Variants in EEPD1 observed in about 807,000 individuals in gnomAD.
EEPD1 encodes the protein endonuclease/exonuclease/phosphatase family domain-containing protein 1.
A neutral mutation model predicts 46.3 loss-of-function variants in EEPD1; 17 were observed. The observed-to-expected ratio is 0.37, with a 90% confidence interval of 0.25 to 0.55. EEPD1 has a LOEUF of 0.55. Ranked by LOEUF, EEPD1 falls within the 20% of genes least tolerant of loss-of-function variation. The probability of loss-of-function intolerance (pLI) is 0.83; values close to 1 mark genes in which losing one functional copy is unlikely to be tolerated. For missense variants in EEPD1, 673 were observed against 745.6 expected, an observed-to-expected ratio of 0.90 and a Z score of 1.13; for synonymous variants, 313 against 315.6, an observed-to-expected ratio of 0.99 and a Z score of 0.09.
intron 2 of EEPD1, among the ~76,000 whole-genome samples, chr7:36,197,314 C>T (rs1244808153): frequency 2.7e-5 from 4 of 150,884 alleles, no homozygotes; most frequent in African/African-American, 4.9e-5. Flanking sequence ...CCCGCCCGGC[C>T]AGCCGCCCAG....
chr7:36,250,821 G>A (rs2115809277), intron 3 of EEPD1, among the ~76,000 whole-genome samples: 1 of 152,250 alleles, frequency 6.6e-6, no homozygotes, highest in African/African-American at 2.4e-5. Context: ...CAGCACTGTT[G>A]AAGCTTCTCC....
intron 3 of EEPD1, among the ~76,000 whole-genome samples, chr7:36,279,694 A>G (rs1787232370): frequency 6.6e-6 from 1 of 152,228 alleles, no homozygotes; most frequent in Non-Finnish European, 1.5e-5. Flanking sequence ...TCTCAAACCC[A>G]AGCGTGCATC....
At chr7:36,262,010 T>C (rs1229152156) in intron 3 of EEPD1, among the ~76,000 whole-genome samples, 4 of 152,234 alleles carry the variant, frequency 2.6e-5, no homozygotes, top group African/African-American at 9.6e-5. Context: ...TCCATCTTTG[T>C]AGAAATTCAA....
chr7:36,289,215 T>C (rs984795953), intron 6 of EEPD1, among the ~76,000 whole-genome samples: 5 of 152,228 alleles, frequency 3.3e-5, no homozygotes, highest in Non-Finnish European at 7.3e-5. Context: ...ATTTTACATA[T>C]TCAAGTCAGT....
At position 36,287,764 on chromosome 7, in the gene EEPD1, G is replaced by T. The variant is rs753892487; in HGVS notation, c.1302G>T (p.Gln434His). ...TGGCGAGCTTTGCACAGACCCTACAGGAAACCCTGAAAGGTAGGACATTGT... is the reference window on the plus strand; with the variant it reads ...TGGCGAGCTTTGCACAGACCCTACATGAAACCCTGAAAGGTAGGACATTGT... Reference protein sequence around the residue: ...HRLASFAQTLQETLKGEKDVI... With the variant: ...HRLASFAQTLHETLKGEKDVI... The change falls in exon 6 of 8, where the codon CAG becomes CAT. Residue 434 changes from glutamine (Q) to histidine (H), a missense_variant. Transcript: ENST00000242108. 1 of 1,613,936 alleles carries T rather than the reference G, an allele frequency of 6.2e-7. No homozygotes were observed.
intron 2 of EEPD1, among the ~76,000 whole-genome samples, chr7:36,187,099 G>C (rs761160073): frequency 2.6e-5 from 4 of 152,198 alleles, no homozygotes; most frequent in African/African-American, 4.8e-5. Flanking sequence ...TTGCCTGGCT[G>C]TCTCTGAGCT....
At chr7:36,287,827 A>C (rs762157241) in intron 6 of EEPD1, 50 bp downstream of exon 6, 1 of 1,597,056 alleles carries the variant, frequency 6.3e-7, no homozygotes, top group Admixed American at 1.7e-5. Context: ...GCAGAGCAGC[A>C]GGGCTGCCTC....
chr7:36,269,213 G>A (rs1422449843), intron 3 of EEPD1, among the ~76,000 whole-genome samples: 1 of 152,112 alleles, frequency 6.6e-6, no homozygotes, highest in Non-Finnish European at 1.5e-5. Context: ...AACAAATACA[G>A]GTTGATGTCA....
intron 3 of EEPD1, among the ~76,000 whole-genome samples, chr7:36,244,619 G>A (rs1786606530): frequency 6.6e-6 from 1 of 152,106 alleles, no homozygotes; most frequent in Non-Finnish European, 1.5e-5. Flanking sequence ...TGGCAGAGCC[G>A]AGTTCTCCTC....
In EEPD1 at chr7:36,225,435, C is replaced by T. The variant is rs1248313619; in HGVS notation, c.879-13550C>T. 6.6e-6 allele frequency among the ~76,000 whole-genome samples: 1 copy of T among 152,102 alleles called. No homozygotes were observed. Among genetic ancestry groups the T allele is most frequent in the East Asian group, 1.9e-4 (1 of 5,192 alleles). On this transcript the variant is annotated intron_variant, in intron 2 of 7. Transcript: ENST00000242108. This position sits in a 1 kb window ranked among gnomAD's most constrained non-coding sequence, Gnocchi z 4.2. ...GTGATGGAAGGAAACCCCGTGCTCA[C>T]GAGGGACTGTGCGTGAATATCAAAG...
chr7:36,176,429 G>A (rs1203052822), intron 2 of EEPD1, among the ~76,000 whole-genome samples: 3 of 152,202 alleles, frequency 2.0e-5, no homozygotes, highest in African/African-American at 7.2e-5. Context: ...CAGGTCTCAT[G>A]GGAGCCTCGT....
At chr7:36,246,701 T>C (rs1020586939) in intron 3 of EEPD1, among the ~76,000 whole-genome samples, 3 of 152,178 alleles carry the variant, frequency 2.0e-5, no homozygotes, top group South Asian at 2.1e-4. Context: ...GTTTTTTTTT[T>C]AGAATTTCAG....
At chr7:36,256,657 T>G (rs1786832725) in intron 3 of EEPD1, among the ~76,000 whole-genome samples, 1 of 152,216 alleles carries the variant, frequency 6.6e-6, no homozygotes, top group South Asian at 2.1e-4. Flanking sequence ...TGCTTTTTTT[T>G]TGCTTTCCAT....
chr7:36,247,967 A>C (rs993749710), intron 3 of EEPD1, among the ~76,000 whole-genome samples: 1 of 152,158 alleles, frequency 6.6e-6, no homozygotes, highest in Non-Finnish European at 1.5e-5. Flanking sequence ...GATGGGGGAT[A>C]GAGGACGCAG....
chr7:36,176,728 G>A (rs1047670993), intron 2 of EEPD1, among the ~76,000 whole-genome samples: 2 of 152,140 alleles, frequency 1.3e-5, no homozygotes, highest in Non-Finnish European at 2.9e-5. Context: ...ATGCTAACTT[G>A]ATATGCTTTT....
chr7:36,235,174 A>C (rs942419431), intron 2 of EEPD1, among the ~76,000 whole-genome samples: 19 of 69,976 alleles, frequency 2.7e-4, no homozygotes, highest in African/African-American at 6.3e-4. Context: ...AGCCTCCAGC[A>C]CAGGTTTCCC....
At chr7:36,213,316 G>A (rs7357322) in intron 2 of EEPD1, among the ~76,000 whole-genome samples, 14,591 of 152,180 alleles carry the variant, frequency 0.096, 752 homozygotes, top group Middle Eastern at 0.13. Context: ...GGGCGTTCAA[G>A]AATAGTGTGA....
At chr7:36,227,254 C>T (rs1415146218) in intron 2 of EEPD1, among the ~76,000 whole-genome samples, 2 of 152,198 alleles carry the variant, frequency 1.3e-5, no homozygotes, top group African/African-American at 4.8e-5. Context: ...TGGGCACTGT[C>T]ATCAAAGAAG....
chr7:36,170,562 GTGTCTTT>G (rs1785060228), intron 2 of EEPD1, among the ~76,000 whole-genome samples: 1 of 104,102 alleles, frequency 9.6e-6, no homozygotes, highest in Admixed American at 1.0e-4. Context: ...CATGTTAAAA[GTGTCTTT>G]TTTTTTTTTT....
Sources: gnomAD v4.1 joint callset for allele counts (sites outside exome capture counted in the v4.1 genomes callset) on GRCh38, gnomAD v4.1.1 for gene constraint, Gnocchi (gnomAD v3.1) non-coding constraint, MANE v1.5 for transcripts, NCBI Gene and HGNC (gene_info 2026-07-23, HGNC 2026-07-21) for gene names.